AP3B2: variants seen among roughly 807,000 people sequenced by gnomAD.
The protein encoded by AP3B2 is AP-3 complex subunit beta-2.
Under a neutral mutation model 126.9 loss-of-function variants are expected in AP3B2, and 50 were observed. That is an observed-to-expected ratio of 0.39 (90% CI 0.31 to 0.50). The LOEUF (loss-of-function observed/expected upper bound fraction) is 0.50, where lower values mean the gene tolerates loss of function less well. AP3B2 is among the 20% of genes least tolerant of loss of function. The probability of loss-of-function intolerance (pLI) is 0.79; values close to 1 mark genes in which losing one functional copy is unlikely to be tolerated. For missense variants in AP3B2, 1,177 were observed against 1,426.4 expected (o/e 0.83, Z 2.82); for synonymous variants, 541 against 565.0 (o/e 0.96, Z 0.60).
intron 1 of AP3B2, among the ~76,000 whole-genome samples, chr15:82,708,119 G>A (rs1421010392): frequency 6.6e-6 from 1 of 152,188 alleles, no homozygotes; most frequent in Non-Finnish European, 1.5e-5. Flanking sequence ...AGTGAAAATG[G>A]CCTGTGCCTG....
intron 1 of AP3B2, among the ~76,000 whole-genome samples, chr15:82,700,396 G>GGTTTTTTTTTTTTTTTTTTTT (rs1567275643): frequency 1.8e-4 from 2 of 11,266 alleles, no homozygotes; most frequent in South Asian, 0.017. Flanking sequence ...GTGGTGGGTG[G>GGTTTTTTTTTTTTTTTTTTTT]CTTTTTTTTT....
chr15:82,664,237 G>A lies in AP3B2; in HGVS notation c.2261+130C>T. On this transcript the variant is annotated intron_variant, in intron 19 of 26. Transcript: ENST00000535359. This position sits in a 1 kb window ranked among gnomAD's most constrained non-coding sequence, Gnocchi z 4.5. ...CAGCCAGCGAAAGTAGGCGTCATGTGAGCTGACAGCCCCACCCAGCTCACG... is the reference window on the plus strand; with the variant it reads ...CAGCCAGCGAAAGTAGGCGTCATGTAAGCTGACAGCCCCACCCAGCTCACG... 2 of 1,454,922 alleles carry A rather than the reference G, an allele frequency of 1.4e-6. No individual in the cohort carries two copies. Among genetic ancestry groups the A allele is most frequent in the Middle Eastern group, 2.4e-4 (1 of 4,088 alleles). The allele number at this position is 1,454,922 out of a possible 1,614,324, so 90.1% of individuals were successfully genotyped here.
chr15:82,697,556 G>C (rs2151457746), intron 1 of AP3B2, among the ~76,000 whole-genome samples: 1 of 152,264 alleles, frequency 6.6e-6, no homozygotes, highest in African/African-American at 2.4e-5. Flanking sequence ...TTAGTCACAG[G>C]GCTGCAGAAA....
intron 1 of AP3B2, among the ~76,000 whole-genome samples, chr15:82,698,440 C>T (rs1039624409): frequency 2.6e-5 from 4 of 151,804 alleles, no homozygotes; most frequent in African/African-American, 7.3e-5. Flanking sequence ...GACCTCTCCC[C>T]GCTCCCCCAC....
At chr15:82,672,462 G>A (rs1398701577) in intron 14 of AP3B2, among the ~76,000 whole-genome samples, 1 of 152,184 alleles carries the variant, frequency 6.6e-6, no homozygotes, top group Non-Finnish European at 1.5e-5. Flanking sequence ...CAGAGGCTGA[G>A]AAGGGTAGTG....
chr15:82,662,325 C>A (rs189865552), intron 23 of AP3B2, 73 bp from the exon 24 acceptor site: 1 of 1,144,798 alleles, frequency 8.7e-7, no homozygotes, highest in Admixed American at 2.0e-5. Context: ...CCCAGCCTAG[C>A]CCTACTCTCC....
intron 13 of AP3B2, among the ~76,000 whole-genome samples, 192 bp from the exon 14 acceptor site, chr15:82,676,829 T>G (rs997939976): frequency 3.3e-5 from 5 of 152,194 alleles, no homozygotes; most frequent in Admixed American, 6.5e-5. Flanking sequence ...GCATTTCCCC[T>G]CTTCCCTAGG....
At chr15:82,672,042 TCAAA>T (rs961986315) in intron 14 of AP3B2, among the ~76,000 whole-genome samples, 42 of 152,110 alleles carry the variant, frequency 2.8e-4, no homozygotes, top group African/African-American at 8.7e-4. Context: ...AGACTCCATC[TCAAA>T]CAAACAAACA....
rs578240684 is a variant in AP3B2 at position 82,689,194 on chromosome 15, G to C, written c.228C>G (p.Pro76=). Residue 76 remains proline, a synonymous_variant, in exon 3 of 27, where the codon CCC becomes CCG. Transcript: ENST00000535359. ...ARGKNASDLF[P]AVVKNVACKN... Reference sequence around the variant, plus strand: ...TACAGGCCACGTTCTTCACCACCGCGGGAAACAGGTCTGAAGCATTCTTTC... The same window carrying C: ...TACAGGCCACGTTCTTCACCACCGCCGGAAACAGGTCTGAAGCATTCTTTC... 5.9e-5 allele frequency: 95 copies of C among 1,614,012 alleles called. 1 individual carries two copies. The South Asian group carries it at 1.0e-3, about 17-fold the overall frequency.
At chr15:82,679,005 A>G (rs1409371351) in intron 10 of AP3B2, among the ~76,000 whole-genome samples, 1 of 152,216 alleles carries the variant, frequency 6.6e-6, no homozygotes, top group Non-Finnish European at 1.5e-5. Context: ...GAATGTTTGC[A>G]GGAGAGCCTG....
chr15:82,675,429 C>G (rs1449440088), intron 14 of AP3B2, among the ~76,000 whole-genome samples: 3 of 152,178 alleles, frequency 2.0e-5, no homozygotes, highest in African/African-American at 7.2e-5. Flanking sequence ...ATCAAAGAAG[C>G]CACTGAAAAA....
chr15:82,707,887 C>T (rs1306414285), intron 1 of AP3B2, among the ~76,000 whole-genome samples: 1 of 152,208 alleles, frequency 6.6e-6, no homozygotes, highest in East Asian at 1.9e-4. Flanking sequence ...CCCACGCCAC[C>T]CCAATCCCGC....
intron 21 of AP3B2, 68 bp from the exon 22 acceptor site, chr15:82,663,301 G>GA: frequency 7.8e-7 from 1 of 1,277,756 alleles, no homozygotes; most frequent in South Asian, 1.2e-5. Context: ...GGAGCCTAGG[G>GA]ATCAAGGAGC....
chr15:82,694,527 T>C (rs979200872), intron 1 of AP3B2, among the ~76,000 whole-genome samples: 3 of 150,602 alleles, frequency 2.0e-5, no homozygotes, highest in African/African-American at 4.9e-5. Flanking sequence ...TCTACAAAAA[T>C]AAAAAAAATT....
rs1427382797 is a variant in AP3B2 at position 82,680,656 on chromosome 15, GGGCGGCCGC to G, written c.862_870del (p.Ala288_Ala290del). ...TCCATGACATAGGGCTTTCGGGAGG[GGGCGGCCGC>G]GGCGGCCGTCTCCTCAGACCCCGCG... On this transcript the variant is annotated inframe_deletion, in exon 8 of 27. Transcript: ENST00000535359. The surrounding 1 kb of genome is among the most constrained non-coding windows in gnomAD (Gnocchi z 6.1). 1.9e-6 allele frequency: 3 copies of G among 1,583,038 alleles called. No homozygotes were observed. The highest frequency in any genetic ancestry group is 1.3e-5 in the African/African-American group (1 of 74,264).
chr15:82,666,710 T>A, intron 15 of AP3B2, 37 bp downstream of exon 15: 2 of 1,595,818 alleles, frequency 1.3e-6, no homozygotes, highest in Non-Finnish European at 1.7e-6. Context: ...TTCCTTTCCA[T>A]TCCCCTAGGA....
chr15:82,693,310 G>C (rs919068824), intron 1 of AP3B2, among the ~76,000 whole-genome samples: 3 of 149,986 alleles, frequency 2.0e-5, no homozygotes, highest in Admixed American at 6.7e-5. Context: ...GCAATGGCAC[G>C]ATCTCGGGTC....
At chr15:82,659,814 C>T (rs1264720589) in intron 26 of AP3B2, 31 bp downstream of exon 26, 1 of 1,611,242 alleles carries the variant, frequency 6.2e-7, no homozygotes, top group Non-Finnish European at 8.5e-7. Context: ...CCCCCATGCT[C>T]ATCATTTCCC....
In AP3B2 at chr15:82,664,572, C is replaced by T; in HGVS notation, c.2138-82G>A. On this transcript the variant is annotated intron_variant, in intron 18 of 26. Transcript: ENST00000535359. This position sits in a 1 kb window ranked among gnomAD's most constrained non-coding sequence, Gnocchi z 4.5. ...AGCAGACACCTGGGTTCCACCTTCA[C>T]ATTCAGTACTGAACCCTCAAACCTC... The T allele has an allele frequency of 1.3e-6, 2 of 1,529,420 alleles. No individual in the cohort carries two copies. The highest frequency in any genetic ancestry group is 8.8e-7 in the Non-Finnish European group (1 of 1,133,858). 94.7% of individuals were successfully genotyped at this position (1,529,420 alleles called of 1,614,324 possible).
Sources: allele counts gnomAD v4.1 joint callset (sites outside exome capture counted in the v4.1 genomes callset), GRCh38; gene constraint gnomAD v4.1.1; non-coding constraint Gnocchi (gnomAD v3.1); transcripts MANE v1.5; gene names NCBI Gene and HGNC (gene_info 2026-07-23, HGNC 2026-07-21).